Variants in POLR2D observed in about 807,000 individuals in gnomAD.
POLR2D encodes the protein DNA-directed RNA polymerase II subunit RPB4.
A neutral mutation model predicts 17.6 loss-of-function variants in POLR2D; 10 were observed. The ratio of observed to expected loss-of-function variants is 0.57; its 90% CI spans 0.35 to 0.96. The LOEUF (loss-of-function observed/expected upper bound fraction) is 0.96, where lower values mean the gene tolerates loss of function less well. POLR2D is among the 40% of genes least tolerant of loss of function. POLR2D has a pLI of 0.02. For missense variants in POLR2D, 126 were observed against 176.4 expected, an observed-to-expected ratio of 0.71 and a Z score of 1.62; for synonymous variants, 52 against 60.2, an observed-to-expected ratio of 0.86 and a Z score of 0.63.
rs1233016818 is a variant in POLR2D, at chr2:127,847,605, G to C, written c.*502C>G. The C allele has an allele frequency of 1.2e-5, 2 of 163,110 alleles. No homozygotes were observed. The highest frequency in any genetic ancestry group is 1.9e-4 in the East Asian group (1 of 5,346). The allele number at this position is 163,110 out of a possible 1,614,324, so 10.1% of individuals were successfully genotyped here. On this transcript the variant is annotated 3_prime_UTR_variant, in exon 4 of 4. Coordinates refer to ENST00000272645, the MANE Select transcript of POLR2D (RefSeq NM_004805.4). ...CTGTACGACTGCACTCCTCCAGCCT[G>C]GACAAGAGTTAAGACCCTATCTCCA...
intron 3 of POLR2D, among the ~76,000 whole-genome samples, chr2:127,849,269 C>G (rs1225679371): frequency 6.7e-6 from 1 of 150,166 alleles, no homozygotes. Context: ...TCTCAACCTC[C>G]TGACCTTGTG....
chr2:127,857,871 G>T (rs1203812433), intron 1 of POLR2D, 157 bp downstream of exon 1: 1 of 1,344,716 alleles, frequency 7.4e-7, no homozygotes, highest in African/African-American at 1.5e-5. Flanking sequence ...CAAGGCCATG[G>T]TCCCTCCCAA....
rs535788864 is a variant in POLR2D, at chr2:127,852,436, G to T, written c.254+489C>A. Among the ~76,000 whole-genome samples, 1 of 151,978 alleles carries T rather than the reference G, an allele frequency of 6.6e-6. No individual in the cohort carries two copies. The highest frequency in any genetic ancestry group is 1.9e-4 in the East Asian group (1 of 5,166). ...TTCTGTATTTTTTTTGTAGGGACACGAGTTTCACCATGTTGCACATGCTGG... is the reference window on the plus strand; with the variant it reads ...TTCTGTATTTTTTTTGTAGGGACACTAGTTTCACCATGTTGCACATGCTGG... On this transcript the variant is annotated intron_variant, in intron 2 of 3. Transcript: ENST00000272645. This position sits in a 1 kb window ranked among gnomAD's most constrained non-coding sequence, Gnocchi z 4.0.
rs1270080604 is a variant in POLR2D at position 127,852,095 on chromosome 2, A to G, written c.254+830T>C. 6.6e-6 allele frequency among the ~76,000 whole-genome samples: 1 copy of G among 152,166 alleles called. No individual in the cohort carries two copies. The highest frequency in any genetic ancestry group is 1.5e-5 in the Non-Finnish European group (1 of 68,028). ...TGAGCCACTGCACCCGGCCAATCCCAGCACTTTGGGGGGCTAAGGTTGGAG... is the reference window on the plus strand; with the variant it reads ...TGAGCCACTGCACCCGGCCAATCCCGGCACTTTGGGGGGCTAAGGTTGGAG... On this transcript the variant is annotated intron_variant, in intron 2 of 3. Transcript: ENST00000272645. This position sits in a 1 kb window ranked among gnomAD's most constrained non-coding sequence, Gnocchi z 4.0.
At position 127,848,137 on chromosome 2, in the gene POLR2D, A is replaced by G. The variant is rs1690185213; in HGVS notation, c.399T>C (p.Asp133=). The G allele has an allele frequency of 6.2e-7, 1 of 1,612,372 alleles. No homozygotes were observed. The change falls in exon 4 of 4, where the codon GAT becomes GAC. Residue 133 remains aspartate (D), a synonymous_variant. Coordinates refer to ENST00000272645, the MANE Select transcript of POLR2D (RefSeq NM_004805.4). ...ACTGAAAGCTGCGCTTTGTCTGGAT[A>G]TCATCAAGAATCTGCTGCAGCTCCT... ...EDEELQQILD[D]IQTKRSFQY
At chr2:127,857,172 C>T (rs1690350004) in intron 1 of POLR2D, 1 of 151,868 alleles carries the variant, frequency 6.6e-6, no homozygotes, top group Non-Finnish European at 1.5e-5. Context: ...TTTAATGGGC[C>T]AGGTATGGGG....
At chr2:127,848,719 T>G (rs998333474) in intron 3 of POLR2D, among the ~76,000 whole-genome samples, 1 of 152,098 alleles carries the variant, frequency 6.6e-6, no homozygotes, top group Non-Finnish European at 1.5e-5. Context: ...GGTTTCACTG[T>G]GTTATCCAGG....
chr2:127,850,165 G>A (rs773933987), intron 3 of POLR2D, among the ~76,000 whole-genome samples: 1 of 152,084 alleles, frequency 6.6e-6, no homozygotes, highest in Admixed American at 6.6e-5. Flanking sequence ...TTTTGGCTGG[G>A]CACGGTGGCT....
rs1180632033 is a variant in POLR2D, at chr2:127,845,867, G to A, written c.*2240C>T. The stretch of plus-strand genomic sequence containing the variant: ...TCTAGGCTCTTTGTAATAATTTCCT[G>A]TTCATTCAACCTTCTCAAAATACCC... On this transcript the variant is annotated 3_prime_UTR_variant, in exon 4 of 4. Transcript: ENST00000272645. 6.6e-6 allele frequency: 1 copy of A among 152,080 alleles called. No homozygotes were observed. 9.4% of individuals were successfully genotyped at this position (152,080 alleles called of 1,614,324 possible).
chr2:127,849,647 G>GAT (rs1690214476), intron 3 of POLR2D, among the ~76,000 whole-genome samples: 1 of 141,726 alleles, frequency 7.1e-6, no homozygotes, highest in Non-Finnish European at 1.5e-5. Context: ...CTAGTTCATT[G>GAT]ATTTTTTTTT....
intron 1 of POLR2D, chr2:127,857,139 C>T (rs1690348558): frequency 6.6e-6 from 1 of 151,970 alleles, no homozygotes; most frequent in African/African-American, 2.4e-5. Context: ...ATAGTGAGAC[C>T]CTGTCTTTAC....
intron 1 of POLR2D, among the ~76,000 whole-genome samples, chr2:127,853,510 G>C (rs1355785912): frequency 6.6e-6 from 1 of 152,074 alleles, no homozygotes; most frequent in Non-Finnish European, 1.5e-5. Flanking sequence ...TAAGTGAATG[G>C]CCTCCAGCTC....
In POLR2D at chr2:127,845,599, TC is replaced by T; in HGVS notation, c.*2507del. 6.6e-6 allele frequency: 1 copy of T among 152,184 alleles called. No individual in the cohort carries two copies. The highest frequency in any genetic ancestry group is 2.4e-5 in the African/African-American group (1 of 41,506). The allele number at this position is 152,184 out of a possible 1,614,324, so 9.4% of individuals were successfully genotyped here. ...CATGTTGGTCAGGATGGTCTCAAAC[TC>T]CCAACCTCAGGTGATCCGCCTGCCT... On this transcript the variant is annotated 3_prime_UTR_variant, in exon 4 of 4. Transcript: ENST00000272645.
intron 1 of POLR2D, among the ~76,000 whole-genome samples, chr2:127,855,291 G>A (rs1226376157): frequency 1.3e-5 from 2 of 151,482 alleles, no homozygotes; most frequent in Non-Finnish European, 2.9e-5. Context: ...TACTCAGGAG[G>A]CCGAGGCAGG....
chr2:127,852,874 A>C lies in POLR2D; in HGVS notation c.254+51T>G. On this transcript the variant is annotated intron_variant, in intron 2 of 3. Transcript: ENST00000272645. The surrounding 1 kb of genome is among the most constrained non-coding windows in gnomAD (Gnocchi z 4.0). ...AAAGGGGGAGGGGACAGCATTCTAC[A>C]TGCAGTTGTCCAATGGTTTGGATTA... 8.0e-7 allele frequency: 1 copy of C among 1,252,584 alleles called. No homozygotes were observed. The highest frequency in any genetic ancestry group is 1.2e-6 in the Non-Finnish European group (1 of 866,156). 77.6% of individuals were successfully genotyped at this position (1,252,584 alleles called of 1,614,324 possible).
chr2:127,850,782 C>T (rs1690239726), intron 2 of POLR2D, 97 bp from the exon 3 acceptor site: 1 of 650,462 alleles, frequency 1.5e-6, no homozygotes, highest in South Asian at 1.9e-5. Context: ...TCAAACGTAG[C>T]TAGTATTTAA....
intron 3 of POLR2D, among the ~76,000 whole-genome samples, chr2:127,848,583 C>G (rs1690192422): frequency 1.3e-5 from 2 of 152,164 alleles, no homozygotes; most frequent in Non-Finnish European, 2.9e-5. Context: ...GTGGCGCAAT[C>G]TCGGCTCACT....
Position 127,858,087 on chromosome 2 carries a change from C to T in POLR2D, c.14G>A (p.Gly5Asp), listed in dbSNP as rs757943628. 1.3e-5 allele frequency: 19 copies of T among 1,515,286 alleles called. No individual in the cohort carries two copies. In the East Asian group the frequency reaches 3.9e-4, roughly 31 times the overall value. 93.9% of individuals were successfully genotyped at this position (1,515,286 alleles called of 1,614,324 possible). A position where few individuals can be genotyped will look rare whatever the true frequency, so the allele number is the denominator to read the frequency against. ...TACGTCGCCAGCCCGCGGATCGCTG[C>T]CACCCGCCGCCATCGCCGCGCCGCG... MAAGGSDPRAGDVEE... is the reference protein window; with the variant it reads MAAGDSDPRAGDVEE... The change falls in exon 1 of 4, where the codon GGC becomes GAC. Residue 5 changes from glycine (G) to aspartate (D), a missense_variant. Around this residue, in one of 2 missense-constraint regions of POLR2D, gnomAD observed 41 missense variants for 24.9 expected, o/e 1.64. Coordinates refer to ENST00000272645, the MANE Select transcript of POLR2D (RefSeq NM_004805.4).
intron 1 of POLR2D, chr2:127,856,869 C>G (rs1033741790): frequency 2.0e-5 from 3 of 152,156 alleles, no homozygotes; most frequent in Admixed American, 1.3e-4. Flanking sequence ...AACCCCAGCT[C>G]TACTGAAAAT....
Sources: allele counts gnomAD v4.1 joint callset (sites outside exome capture counted in the v4.1 genomes callset), GRCh38; gene constraint gnomAD v4.1.1; regional missense constraint gnomAD v4.1.1; non-coding constraint Gnocchi (gnomAD v3.1); transcripts MANE v1.5; gene names NCBI Gene and HGNC (gene_info 2026-07-23, HGNC 2026-07-21).